Variants in MTHFS observed in about 807,000 individuals in gnomAD.
MTHFS encodes methenyltetrahydrofolate synthetase.
In MTHFS, 7 loss-of-function variants were observed where a neutral mutation model predicts 12.7. That is an observed-to-expected ratio of 0.55 (90% CI 0.31 to 1.03). The LOEUF (loss-of-function observed/expected upper bound fraction) is 1.03, where lower values mean the gene tolerates loss of function less well. Among genes scored for constraint, MTHFS ranks in the 50% least tolerant of loss-of-function variants. The pLI, the probability that MTHFS is intolerant of heterozygous loss-of-function variation, is 0.05. For synonymous variants in MTHFS, 100 were observed against 97.1 expected (o/e 1.03, Z -0.18); for missense variants, 252 against 258.1 (o/e 0.98, Z 0.16).
intron 1 of MTHFS, among the ~76,000 whole-genome samples, chr15:79,889,939 G>T (rs1462210632): frequency 1.3e-5 from 2 of 152,086 alleles, no homozygotes; most frequent in African/African-American, 4.8e-5. Flanking sequence ...CCTAAATGTG[G>T]TATCCCTAAC....
intron 2 of MTHFS, among the ~76,000 whole-genome samples, chr15:79,855,296 T>C (rs78031217): frequency 6.6e-6 from 1 of 152,240 alleles, no homozygotes; most frequent in Admixed American, 6.5e-5. Context: ...AAAAATGCTC[T>C]GCAGAAAATA....
intron 2 of MTHFS, among the ~76,000 whole-genome samples, chr15:79,875,510 A>G (rs995580319): frequency 6.6e-6 from 1 of 152,308 alleles, no homozygotes; most frequent in Admixed American, 6.5e-5. Context: ...CAGTGCTGGG[A>G]CAACCAAATA....
chr15:79,864,547 CAAAAAAAAAAAAAAAA>C lies in MTHFS; in HGVS notation c.380-19121_380-19106del, dbSNP rs58698908. Among the ~76,000 whole-genome samples, 387 of 64,566 alleles carry C rather than the reference CAAAAAAAAAAAAAAAA, an allele frequency of 6.0e-3. 4 individuals carry two copies. The highest frequency in any genetic ancestry group is 0.025 in the African/African-American group (339 of 13,404). The allele number at this position is 64,566 out of a possible 152,430, so 42.4% of individuals were successfully genotyped here. On this transcript the variant is annotated intron_variant, in intron 2 of 2. Transcript: ENST00000258874. ...GCAACAAAGTGAGACTCCATCTCAA[CAAAAAAAAAAAAAAAA>C]AAAAAAAAAAAAAAAAAGTCCTTGA...
intron 2 of MTHFS, among the ~76,000 whole-genome samples, chr15:79,880,377 G>A (rs2034276183): frequency 6.6e-6 from 1 of 151,912 alleles, no homozygotes; most frequent in Non-Finnish European, 1.5e-5. Flanking sequence ...ACTGCGCCCG[G>A]CCTCTGCTTG....
intron 2 of MTHFS, among the ~76,000 whole-genome samples, chr15:79,888,589 G>A (rs2034419156): frequency 6.6e-6 from 1 of 152,198 alleles, no homozygotes; most frequent in Non-Finnish European, 1.5e-5. Flanking sequence ...GACAGATTCA[G>A]TAAATATTCA....
intron 1 of MTHFS, among the ~76,000 whole-genome samples, chr15:79,891,744 GATC>G (rs1464692492): frequency 6.6e-6 from 1 of 152,126 alleles, no homozygotes; most frequent in Non-Finnish European, 1.5e-5. Context: ...GAGGCGGGTA[GATC>G]ATCTGAGGTC....
chr15:79,862,925 C>T lies in MTHFS; in HGVS notation c.380-17483G>A, dbSNP rs77849498. On this transcript the variant is annotated intron_variant, in intron 2 of 2. Coordinates refer to ENST00000258874, the MANE Select transcript of MTHFS (RefSeq NM_006441.4). ...ACCCCAAGACCATACTCTGGCAAGTCCTGAATCAATATCTCCTATGTCCTG... is the reference window on the plus strand; with the variant it reads ...ACCCCAAGACCATACTCTGGCAAGTTCTGAATCAATATCTCCTATGTCCTG... 4.2e-3 allele frequency among the ~76,000 whole-genome samples: 647 copies of T among 152,258 alleles called. 1 individual carries two copies. The highest frequency in any genetic ancestry group is 7.0e-3 in the Non-Finnish European group (476 of 68,026).
At chr15:79,871,422 C>T (rs984453509) in intron 2 of MTHFS, among the ~76,000 whole-genome samples, 5 of 152,078 alleles carry the variant, frequency 3.3e-5, no homozygotes, top group Non-Finnish European at 7.4e-5. Flanking sequence ...ACAGACTGAA[C>T]AGCCTAACTA....
At chr15:79,889,053 T>C in intron 2 of MTHFS, 40 bp downstream of exon 2, 2 of 1,602,718 alleles carry the variant, frequency 1.2e-6, no homozygotes, top group Non-Finnish European at 1.7e-6. Flanking sequence ...ATCTAACAAC[T>C]GGTCATAATC....
intron 2 of MTHFS, among the ~76,000 whole-genome samples, chr15:79,848,972 T>C (rs548553842): frequency 6.6e-6 from 1 of 152,302 alleles, no homozygotes; most frequent in South Asian, 2.1e-4. Flanking sequence ...AGTACATAAA[T>C]TTGGCTCAAA....
chr15:79,870,385 C>T (rs1161512327), intron 2 of MTHFS, among the ~76,000 whole-genome samples: 1 of 152,122 alleles, frequency 6.6e-6, no homozygotes, highest in African/African-American at 2.4e-5. Context: ...CCTGAAAAGC[C>T]TAAAATATTT....
intron 2 of MTHFS, among the ~76,000 whole-genome samples, chr15:79,857,290 T>C (rs989692519): frequency 1.3e-5 from 2 of 152,144 alleles, no homozygotes; most frequent in African/African-American, 4.8e-5. Flanking sequence ...TGAGCCACCG[T>C]GCCTGGCCCA....
intron 1 of MTHFS, among the ~76,000 whole-genome samples, chr15:79,893,499 C>T (rs1295006665): frequency 6.6e-6 from 1 of 151,506 alleles, no homozygotes; most frequent in Admixed American, 6.6e-5. Flanking sequence ...GAGATCGAGA[C>T]CATCCTGGCT....
chr15:79,896,760 G>T (rs8023452), intron 1 of MTHFS, 112 bp downstream of exon 1: 7 of 1,457,964 alleles, frequency 4.8e-6, no homozygotes, highest in Admixed American at 2.4e-5. Context: ...CCGGGGGGTG[G>T]GGGGGCGCCT....
chr15:79,893,585 C>T (rs2034513377), intron 1 of MTHFS, among the ~76,000 whole-genome samples: 1 of 151,016 alleles, frequency 6.6e-6, no homozygotes, highest in African/African-American at 2.4e-5. Flanking sequence ...GTAGTCCCAG[C>T]TACTTGTGAA....
intron 2 of MTHFS, among the ~76,000 whole-genome samples, chr15:79,859,689 G>C (rs940886087): frequency 6.6e-6 from 1 of 152,052 alleles, no homozygotes. Context: ...ATAATGGCGG[G>C]AGCCTGTAAT....
chr15:79,882,732 C>T (rs2034316753), intron 2 of MTHFS, among the ~76,000 whole-genome samples: 1 of 152,222 alleles, frequency 6.6e-6, no homozygotes, highest in Non-Finnish European at 1.5e-5. Flanking sequence ...TCCATGCCAA[C>T]TCACAGCTCC....
At chr15:79,880,302 G>A (rs971383801) in intron 2 of MTHFS, among the ~76,000 whole-genome samples, 4 of 151,796 alleles carry the variant, frequency 2.6e-5, no homozygotes, top group African/African-American at 7.3e-5. Flanking sequence ...GGATGGTCTC[G>A]ATCTCCTGAC....
At chr15:79,867,747 T>G (rs193186342) in intron 2 of MTHFS, among the ~76,000 whole-genome samples, 218 of 152,328 alleles carry the variant, frequency 1.4e-3, no homozygotes, top group African/African-American at 5.1e-3. Flanking sequence ...AGAGAAAGTT[T>G]CTATCAGGAA....
Sources: gnomAD v4.1 joint callset for allele counts (sites outside exome capture counted in the v4.1 genomes callset) on GRCh38, gnomAD v4.1.1 for gene constraint, MANE v1.5 for transcripts, NCBI Gene and HGNC (gene_info 2026-07-23, HGNC 2026-07-21) for gene names.